The following CHRNB3 variants were observed in gnomAD, a reference collection of about 807,000 sequenced individuals.
The protein encoded by CHRNB3 is cholinergic receptor nicotinic beta 3 subunit.
CHRNB3 carries 37 observed loss-of-function variants against 40.6 expected under a neutral mutation model. That is an observed-to-expected ratio of 0.91 (90% confidence interval 0.70 to 1.20). The LOEUF (loss-of-function observed/expected upper bound fraction) is 1.20, where lower values mean the gene tolerates loss of function less well. CHRNB3 is among the 50% of genes most tolerant of loss of function. The pLI, the probability that CHRNB3 is intolerant of heterozygous loss-of-function variation, is 0.00. For missense variants in CHRNB3, 505 were observed against 551.2 expected (o/e 0.92, Z 0.84); for synonymous variants, 207 against 207.1 (o/e 1.00, Z 0.00).
chr8:42,726,551 G>C (rs1289000670), intron 3 of CHRNB3, among the ~76,000 whole-genome samples: 1 of 150,472 alleles, frequency 6.6e-6, no homozygotes, highest in Non-Finnish European at 1.5e-5. Context: ...CCAGGCTGGA[G>C]TGCAGTGGCG....
chr8:42,697,982 T>A (rs551948961), intron 1 of CHRNB3, among the ~76,000 whole-genome samples: 93 of 152,204 alleles, frequency 6.1e-4, no homozygotes, highest in Non-Finnish European at 1.3e-3. Flanking sequence ...TACCAATAAT[T>A]TCTATATCTG....
At chr8:42,732,610 G>T in intron 5 of CHRNB3, 61 bp downstream of exon 5, 1 of 1,423,974 alleles carries the variant, frequency 7.0e-7, no homozygotes, top group Non-Finnish European at 9.4e-7. Context: ...CAAATATTTT[G>T]ACATCTGTTT....
intron 3 of CHRNB3, chr8:42,726,138 C>A: frequency 7.4e-7 from 1 of 1,359,468 alleles, no homozygotes; most frequent in Admixed American, 1.7e-5. Flanking sequence ...GCCTGCTTTG[C>A]CTGGGTGGCT....
intron 3 of CHRNB3, among the ~76,000 whole-genome samples, chr8:42,718,112 G>A (rs1036231260): frequency 6.6e-6 from 1 of 152,028 alleles, no homozygotes; most frequent in African/African-American, 2.4e-5. Flanking sequence ...TTATAGGGGT[G>A]AGCCACCACG....
At chr8:42,697,722 C>A in intron 1 of CHRNB3, 124 bp downstream of exon 1, 2 of 711,694 alleles carry the variant, frequency 2.8e-6, no homozygotes, top group Non-Finnish European at 4.8e-6. Flanking sequence ...TTTAGGATAA[C>A]CTTTAAAATG....
At chr8:42,708,498 A>ACACACACACAC (rs59049088) in intron 1 of CHRNB3, among the ~76,000 whole-genome samples, 27 of 70,096 alleles carry the variant, frequency 3.9e-4, no homozygotes, top group African/African-American at 8.8e-4. Flanking sequence ...CACACACACA[A>ACACACACACAC]ACAAAATGTG....
intron 1 of CHRNB3, among the ~76,000 whole-genome samples, chr8:42,698,016 A>C (rs897407562): frequency 2.0e-5 from 3 of 152,188 alleles, no homozygotes; most frequent in Non-Finnish European, 2.9e-5. Context: ...AATTTTGTCC[A>C]ATATGCCCTG....
At chr8:42,728,535 A>G (rs1002207130) in intron 3 of CHRNB3, among the ~76,000 whole-genome samples, 1 of 152,128 alleles carries the variant, frequency 6.6e-6, no homozygotes, top group Non-Finnish European at 1.5e-5. Context: ...TCTCAAATTA[A>G]AAAAACAAAA....
At chr8:42,726,874 A>C (rs532979194) in intron 3 of CHRNB3, among the ~76,000 whole-genome samples, 3 of 152,300 alleles carry the variant, frequency 2.0e-5, no homozygotes, top group African/African-American at 7.2e-5. Flanking sequence ...ACAACAAAAA[A>C]TCAAGACCTA....
intron 1 of CHRNB3, among the ~76,000 whole-genome samples, chr8:42,700,799 A>G (rs1200455660): frequency 6.6e-6 from 1 of 152,174 alleles, no homozygotes; most frequent in African/African-American, 2.4e-5. Flanking sequence ...GATCTGTGAG[A>G]GAGAAAAGTT....
chr8:42,697,498 GCT>G lies in CHRNB3; in HGVS notation c.-46_-45del, dbSNP rs753054028. 26 of 1,525,194 alleles carry G rather than the reference GCT, an allele frequency of 1.7e-5. No homozygotes were observed. Among genetic ancestry groups the G allele is most frequent in the Non-Finnish European group, 2.3e-5 (25 of 1,099,928 alleles). 94.5% of individuals were successfully genotyped at this position (1,525,194 alleles called of 1,614,324 possible). A position where few individuals can be genotyped will look rare whatever the true frequency, so the allele number is the denominator to read the frequency against. On this transcript the variant is annotated 5_prime_UTR_variant, in exon 1 of 6. An upstream open reading frame in the 5' UTR loses its in-frame stop. Transcript: ENST00000289957. ...CAAAACCCCCTTTTCCAGTGGAAAT[GCT>G]CTGTTGTTAAAAAGGAAGAAACTGT...
At chr8:42,736,463 G>C (rs55924223) in intron 5 of CHRNB3, 21 bp from the exon 6 acceptor site, 2 of 1,613,420 alleles carry the variant, frequency 1.2e-6, no homozygotes, top group Non-Finnish European at 1.7e-6. Flanking sequence ...TGAGTGAAAG[G>C]CATCTTTTTC....
chr8:42,713,511 A>G (rs1816052510), intron 3 of CHRNB3, among the ~76,000 whole-genome samples: 2 of 152,196 alleles, frequency 1.3e-5, no homozygotes, highest in African/African-American at 4.8e-5. Context: ...ATTTAATAGA[A>G]GCAATGAGAA....
intron 3 of CHRNB3, among the ~76,000 whole-genome samples, chr8:42,719,835 T>A (rs1339887332): frequency 6.6e-6 from 1 of 152,108 alleles, no homozygotes; most frequent in Non-Finnish European, 1.5e-5. Context: ...ACAGTCCTAG[T>A]GTGGAGCTCA....
chr8:42,731,913 A>C lies in CHRNB3; in HGVS notation c.606A>C (p.Glu202Asp). 6.2e-7 allele frequency: 1 copy of C among 1,614,182 alleles called. No individual in the cohort carries two copies. The highest frequency in any genetic ancestry group is 8.5e-7 in the Non-Finnish European group (1 of 1,180,032). ...ACTTCTTCGATAACGGAGAATGGGA[A>C]ATACTGAACGCAAAGGGGATGAAGG... ...RKDFFDNGEW[E>D]ILNAKGMKGN... Residue 202 changes from glutamate to aspartate, a missense_variant, in exon 5 of 6, where the codon GAA (glutamate) becomes GAC (aspartate). Glu to Asp is a conservative substitution (Grantham distance 45, BLOSUM62 2). Coordinates refer to ENST00000289957, the MANE Select transcript of CHRNB3 (RefSeq NM_000749.5).
At chr8:42,708,611 G>A in intron 1 of CHRNB3, 106 bp from the exon 2 acceptor site, 2 of 1,281,690 alleles carry the variant, frequency 1.6e-6, no homozygotes, top group Non-Finnish European at 2.2e-6. Context: ...TTTAGAAACA[G>A]ACACAGCCTA....
intron 3 of CHRNB3, among the ~76,000 whole-genome samples, chr8:42,710,685 C>G (rs1297823742): frequency 2.0e-5 from 3 of 152,146 alleles, no homozygotes; most frequent in Non-Finnish European, 2.9e-5. Context: ...AGAGGTGACT[C>G]TACTGCCATA....
chr8:42,722,171 C>T (rs952621268), intron 3 of CHRNB3, among the ~76,000 whole-genome samples: 5 of 151,942 alleles, frequency 3.3e-5, no homozygotes, highest in African/African-American at 7.3e-5. Flanking sequence ...GTCAGGAATT[C>T]GAGACCAGCC....
At chr8:42,730,237 T>C (rs886360003) in intron 3 of CHRNB3, among the ~76,000 whole-genome samples, 5 of 152,184 alleles carry the variant, frequency 3.3e-5, no homozygotes, top group Admixed American at 1.3e-4. Flanking sequence ...CCTCCTAGAA[T>C]AAACTGAATT....
Sources: gnomAD v4.1 joint callset for allele counts (sites outside exome capture counted in the v4.1 genomes callset) on GRCh38, gnomAD v4.1.1 for gene constraint, MANE v1.5 for transcripts, NCBI Gene and HGNC (gene_info 2026-07-23, HGNC 2026-07-21) for gene names.